SHISA6: variants seen among roughly 807,000 people sequenced by gnomAD.
The protein encoded by SHISA6 is shisa family member 6.
Under a neutral mutation model 47.9 loss-of-function variants are expected in SHISA6, and 22 were observed. The observed-to-expected ratio is 0.46, with a 90% confidence interval of 0.33 to 0.66. The LOEUF is 0.66. SHISA6 is among the 30% of genes least tolerant of loss of function. The pLI, the probability that SHISA6 is intolerant of heterozygous loss-of-function variation, is 0.02. For missense variants in SHISA6, 680 were observed against 764.6 expected, an observed-to-expected ratio of 0.89 and a Z score of 1.30; for synonymous variants, 388 against 337.8, an observed-to-expected ratio of 1.15 and a Z score of -1.63.
chr17:11,416,276 T>G (rs1914277684), intron 3 of SHISA6, among the ~76,000 whole-genome samples: 1 of 152,218 alleles, frequency 6.6e-6, no homozygotes, highest in Admixed American at 6.5e-5. Flanking sequence ...AATGTAATAT[T>G]CATTAACATT....
intron 3 of SHISA6, among the ~76,000 whole-genome samples, chr17:11,537,227 G>T (rs778209422): frequency 2.6e-5 from 4 of 152,136 alleles, no homozygotes; most frequent in South Asian, 2.1e-4. Context: ...GCTCCAAGGG[G>T]ACCCTGAGTC....
intron 2 of SHISA6, among the ~76,000 whole-genome samples, chr17:11,318,671 A>G (rs1910602781): frequency 6.6e-6 from 1 of 152,212 alleles, no homozygotes; most frequent in Admixed American, 6.5e-5. Flanking sequence ...CATAAGCTCC[A>G]TGAGAGTAGG....
chr17:11,558,140 C>A lies in SHISA6; in HGVS notation c.1492C>A (p.His498Asn). The change falls in exon 6 of 6, where the codon CAT (histidine) becomes AAT (asparagine). Residue 498 changes from histidine (H) to asparagine (N), a missense_variant. This residue lies in a region of SHISA6 where 559 missense variants were observed against 674.1 expected (regional missense o/e 0.83). Transcript: ENST00000441885. Reference sequence around the variant, plus strand: ...CTACCGCATGAGCAAGATGCACTCTCATCCCAGTGCCTCCAATAACTCATA... The same window carrying A: ...CTACCGCATGAGCAAGATGCACTCTAATCCCAGTGCCTCCAATAACTCATA... Reference protein sequence around the residue: ...DRYRMSKMHSHPSASNNSYAT... With the variant: ...DRYRMSKMHSNPSASNNSYAT... The A allele has an allele frequency of 6.4e-7, 1 of 1,550,786 alleles. No individual in the cohort carries two copies. The highest frequency in any genetic ancestry group is 8.7e-7 in the Non-Finnish European group (1 of 1,147,008).
chr17:11,493,225 T>G (rs1311852895), intron 3 of SHISA6, among the ~76,000 whole-genome samples: 2 of 152,070 alleles, frequency 1.3e-5, no homozygotes, highest in African/African-American at 4.8e-5. Context: ...TCCTTTTTTT[T>G]TCTTTTCTTT....
At chr17:11,268,455 ACT>A (rs1291651857) in intron 2 of SHISA6, among the ~76,000 whole-genome samples, 1 of 152,018 alleles carries the variant, frequency 6.6e-6, no homozygotes, top group African/African-American at 2.4e-5. Context: ...CTCCAGACAC[ACT>A]GTTTCTTCTC....
chr17:11,533,604 T>A (rs2071757845), intron 3 of SHISA6, among the ~76,000 whole-genome samples: 1 of 145,470 alleles, frequency 6.9e-6, no homozygotes, highest in African/African-American at 2.5e-5. Flanking sequence ...TTTTTTTTTT[T>A]TTTTTTGAGA....
At chr17:11,512,041 G>A (rs969190261) in intron 3 of SHISA6, among the ~76,000 whole-genome samples, 4 of 152,212 alleles carry the variant, frequency 2.6e-5, no homozygotes, top group Admixed American at 1.3e-4. Context: ...TTCTCCTTTG[G>A]TAAATGAATT....
chr17:11,462,685 T>C (rs1401957327), intron 3 of SHISA6, among the ~76,000 whole-genome samples: 2 of 151,922 alleles, frequency 1.3e-5, no homozygotes, highest in East Asian at 1.9e-4. Context: ...CAGAGTGCAA[T>C]GGCACGATCT....
intron 3 of SHISA6, among the ~76,000 whole-genome samples, chr17:11,458,710 C>A (rs1915615520): frequency 6.6e-6 from 1 of 152,166 alleles, no homozygotes; most frequent in Non-Finnish European, 1.5e-5. Context: ...TCTTCTGACC[C>A]ATGCTACTCT....
chr17:11,542,236 T>C (rs2071840194), intron 3 of SHISA6, among the ~76,000 whole-genome samples: 1 of 150,648 alleles, frequency 6.6e-6, no homozygotes, highest in South Asian at 2.1e-4. Flanking sequence ...TGCCTTCTCA[T>C]CACATATAGA....
At chr17:11,429,398 G>A (rs1914689140) in intron 3 of SHISA6, among the ~76,000 whole-genome samples, 1 of 152,096 alleles carries the variant, frequency 6.6e-6, no homozygotes, top group Admixed American at 6.6e-5. Flanking sequence ...TGTTAATGTT[G>A]GGGGAGGGAA....
Position 11,356,963 on chromosome 17 carries a change from G to C in SHISA6, c.800-22451G>C, listed in dbSNP as rs558519902. ...TGAGGCAGGCGGATCATGAGGTCAG[G>C]AGTTTGAGACCAGCCTGGCCAACAT... On this transcript the variant is annotated intron_variant, in intron 2 of 5. Transcript: ENST00000441885. 1.1e-4 allele frequency among the ~76,000 whole-genome samples: 17 copies of C among 152,074 alleles called. No individual in the cohort carries two copies. In the South Asian group the frequency reaches 3.5e-3, roughly 32 times the overall value.
intron 2 of SHISA6, among the ~76,000 whole-genome samples, chr17:11,287,755 G>GGGGC: frequency 8.3e-6 from 1 of 120,242 alleles, no homozygotes; most frequent in African/African-American, 3.0e-5. Context: ...GGGAAGGGAA[G>GGGGC]TGGGGAGGGA....
At chr17:11,524,513 T>A (rs2142365480) in intron 3 of SHISA6, among the ~76,000 whole-genome samples, 1 of 151,946 alleles carries the variant, frequency 6.6e-6, no homozygotes, top group South Asian at 2.1e-4. Context: ...CTTTTTTTTT[T>A]TGAGATGGAG....
At chr17:11,343,091 T>G (rs1280181035) in intron 2 of SHISA6, among the ~76,000 whole-genome samples, 1 of 152,228 alleles carries the variant, frequency 6.6e-6, no homozygotes, top group African/African-American at 2.4e-5. Context: ...CTCCTAATTC[T>G]CATTCCAGTT....
At chr17:11,488,539 C>A (rs1012415027) in intron 3 of SHISA6, among the ~76,000 whole-genome samples, 3 of 152,188 alleles carry the variant, frequency 2.0e-5, no homozygotes, top group Non-Finnish European at 4.4e-5. Flanking sequence ...CCTCGTTTTA[C>A]TACAAATGCT....
At chr17:11,509,175 C>G (rs575679794) in intron 3 of SHISA6, among the ~76,000 whole-genome samples, 2 of 152,302 alleles carry the variant, frequency 1.3e-5, no homozygotes, top group Admixed American at 6.5e-5. Flanking sequence ...GCCCAACTCT[C>G]CAGCTCATGG....
chr17:11,493,955 T>C (rs1204854775), intron 3 of SHISA6, among the ~76,000 whole-genome samples: 1 of 152,094 alleles, frequency 6.6e-6, no homozygotes, highest in Middle Eastern at 3.2e-3. Context: ...TAATCTCTCA[T>C]TTGAGTCAAA....
chr17:11,263,452 C>A lies in SHISA6; in HGVS notation c.725C>A (p.Pro242His). 1 of 1,551,832 alleles carries A rather than the reference C, an allele frequency of 6.4e-7. No individual in the cohort carries two copies. Residue 242 changes from proline (P) to histidine (H), a missense_variant, in exon 2 of 6, where the codon CCC becomes CAC. Pro to His is a moderately conservative substitution (Grantham distance 77). Around this residue, in one of 2 missense-constraint regions of SHISA6, gnomAD observed 559 missense variants for 674.1 expected, o/e 0.83. Coordinates refer to ENST00000441885, the MANE Select transcript of SHISA6 (RefSeq NM_207386.4). ...RETISAIDTS[P>H]KENTPVRSSS... ...ACTATCTCGGCTATCGATACCTCTC[C>A]CAAAGAGAACACGCCGGTCAGATCG...
Sources: gnomAD v4.1 joint callset for allele counts (sites outside exome capture counted in the v4.1 genomes callset) on GRCh38, gnomAD v4.1.1 for gene constraint, gnomAD v4.1.1 regional missense constraint, MANE v1.5 for transcripts, NCBI Gene and HGNC (gene_info 2026-07-23, HGNC 2026-07-21) for gene names.